Variants in TBC1D12 observed in about 807,000 individuals in gnomAD.
TBC1D12 encodes TBC1 domain family member 12, also known as TBC1 domain family, member 12.
A neutral mutation model predicts 86.7 loss-of-function variants in TBC1D12; 56 were observed. The observed-to-expected ratio is 0.65, with a 90% CI of 0.52 to 0.81. TBC1D12 has a LOEUF of 0.81. Ranked by LOEUF, TBC1D12 falls within the 30% of genes least tolerant of loss-of-function variation. The pLI, the probability that TBC1D12 is intolerant of heterozygous loss-of-function variation, is 0.00. For missense variants in TBC1D12, 1,023 were observed against 1,038.8 expected, an observed-to-expected ratio of 0.98 and a Z score of 0.21; for synonymous variants, 421 against 411.7, an observed-to-expected ratio of 1.02 and a Z score of -0.27.
intron 2 of TBC1D12, among the ~76,000 whole-genome samples, chr10:94,444,561 G>A (rs2055426202): frequency 6.6e-6 from 1 of 151,982 alleles, no homozygotes; most frequent in South Asian, 2.1e-4. Flanking sequence ...TTTTATGGTA[G>A]TTTAAATATG....
At position 94,471,790 on chromosome 10, in the gene TBC1D12, C is replaced by G. The variant is rs80256791; in HGVS notation, c.1096-2878C>G. 6.9e-3 allele frequency among the ~76,000 whole-genome samples: 1,057 copies of G among 152,340 alleles called. 4 individuals are homozygous for G. The highest frequency in any genetic ancestry group is 0.012 in the Non-Finnish European group (847 of 68,022). ...CAAAAGCCCTTCATTTCTAGTCTCA[C>G]TCTCCGGAGGAGAACCTCTTAATAC... On this transcript the variant is annotated intron_variant, in intron 2 of 12. Transcript: ENST00000225235.
intron 3 of TBC1D12, among the ~76,000 whole-genome samples, chr10:94,488,128 G>C (rs1372674767): frequency 6.6e-6 from 1 of 152,016 alleles, no homozygotes; most frequent in Non-Finnish European, 1.5e-5. Context: ...GCTTACGACT[G>C]TAATCCCAGC....
chr10:94,432,764 G>C (rs1367696532), intron 1 of TBC1D12, among the ~76,000 whole-genome samples: 7 of 145,852 alleles, frequency 4.8e-5, no homozygotes, highest in Admixed American at 1.4e-4. Flanking sequence ...TTAGAACCAG[G>C]CTTTTTTATT....
intron 2 of TBC1D12, among the ~76,000 whole-genome samples, chr10:94,457,151 G>T (rs563071984): frequency 6.6e-6 from 1 of 151,996 alleles, no homozygotes; most frequent in Non-Finnish European, 1.5e-5. Context: ...GGTTTGTTAC[G>T]TAGGTATGCA....
intron 12 of TBC1D12, among the ~76,000 whole-genome samples, chr10:94,531,679 T>G (rs57222327): frequency 0.26 from 33,944 of 132,372 alleles, 5,097 homozygotes; most frequent in African/African-American, 0.34. Context: ...TTTATTTTAT[T>G]TTATTTTATG....
intron 11 of TBC1D12, 28 bp downstream of exon 11, chr10:94,522,481 T>C (rs1842176883): frequency 1.1e-6 from 1 of 927,196 alleles, no homozygotes; most frequent in African/African-American, 1.7e-5. Context: ...TAATATATAA[T>C]AATGAAAAGG....
chr10:94,502,377 A>G (rs753372405), intron 6 of TBC1D12, among the ~76,000 whole-genome samples: 1 of 151,660 alleles, frequency 6.6e-6, no homozygotes, highest in Non-Finnish European at 1.5e-5. Flanking sequence ...TTAAAATTAG[A>G]TAAAATTAGA....
chr10:94,453,165 TG>T (rs2055577231), intron 2 of TBC1D12, among the ~76,000 whole-genome samples: 1 of 152,216 alleles, frequency 6.6e-6, no homozygotes, highest in South Asian at 2.1e-4. Context: ...TTGTATATTT[TG>T]GATAACAGTC....
At chr10:94,452,455 A>G (rs1055323097) in intron 2 of TBC1D12, among the ~76,000 whole-genome samples, 2 of 152,076 alleles carry the variant, frequency 1.3e-5, no homozygotes, top group African/African-American at 4.8e-5. Flanking sequence ...TCCCTCCTCC[A>G]ATCCCCTGGA....
At chr10:94,424,328 A>G (rs2055119651) in intron 1 of TBC1D12, among the ~76,000 whole-genome samples, 2 of 152,236 alleles carry the variant, frequency 1.3e-5, no homozygotes, top group Admixed American at 1.3e-4. Context: ...CATAAATAGT[A>G]GGGAGTTACT....
At chr10:94,480,545 T>C (rs1204880212) in intron 3 of TBC1D12, among the ~76,000 whole-genome samples, 1 of 152,148 alleles carries the variant, frequency 6.6e-6, no homozygotes, top group Non-Finnish European at 1.5e-5. Context: ...ATGGTAATTC[T>C]GCTCGCCTTG....
At position 94,403,065 on chromosome 10, in the gene TBC1D12, A is replaced by G. The variant is rs1156838524; in HGVS notation, c.452A>G (p.Glu151Gly). 6.6e-6 allele frequency: 10 copies of G among 1,505,922 alleles called. No homozygotes were observed. Among genetic ancestry groups the G allele is most frequent in the African/African-American group, 1.5e-5 (1 of 68,910 alleles). The allele number at this position is 1,505,922 out of a possible 1,614,324, so 93.3% of individuals were successfully genotyped here. The change falls in exon 1 of 13, where the codon GAG (glutamate) becomes GGG (glycine). Residue 151 changes from glutamate to glycine, a missense_variant. Coordinates refer to ENST00000225235, the MANE Select transcript of TBC1D12 (RefSeq NM_015188.2). Reference sequence around the variant, plus strand: ...GGCCGGGACTGTCGCGATCTGGAAGAGGCTCGCGGGCTGGCGCGCGCCGGC... The same window carrying G: ...GGCCGGGACTGTCGCGATCTGGAAGGGGCTCGCGGGCTGGCGCGCGCCGGC... ...LPGRDCRDLE[E>G]ARGLARAGGR...
At position 94,486,054 on chromosome 10, in the gene TBC1D12, C is replaced by A. The variant is rs188722341; in HGVS notation, c.1212-7311C>A. On this transcript the variant is annotated intron_variant, in intron 3 of 12. Transcript: ENST00000225235. ...AATTTTGTTTTTCTTTTCAAAAAAA[C>A]CAACTTTTTGTTTTGTTGATCTTTT... is the stretch of plus-strand genomic sequence containing the variant. Among the ~76,000 whole-genome samples, 9 of 151,306 alleles carry A rather than the reference C, an allele frequency of 5.9e-5. No individual in the cohort carries two copies. The South Asian group carries it at 8.4e-4, about 14-fold the overall frequency.
intron 2 of TBC1D12, among the ~76,000 whole-genome samples, chr10:94,460,349 T>G (rs1385120883): frequency 6.6e-6 from 1 of 152,216 alleles, no homozygotes; most frequent in African/African-American, 2.4e-5. Context: ...CCAGAAAGTT[T>G]TTTTCCTTCA....
intron 11 of TBC1D12, among the ~76,000 whole-genome samples, chr10:94,526,243 C>A (rs1842286363): frequency 1.3e-5 from 2 of 151,984 alleles, no homozygotes; most frequent in Admixed American, 1.3e-4. Context: ...CCAGCCTAGG[C>A]AAGATGGCGA....
At chr10:94,504,456 C>T (rs2056436775) in intron 6 of TBC1D12, among the ~76,000 whole-genome samples, 1 of 152,142 alleles carries the variant, frequency 6.6e-6, no homozygotes, top group Non-Finnish European at 1.5e-5. Flanking sequence ...TGTTTATTCT[C>T]TCCTTTTTTA....
chr10:94,441,320 C>A (rs928059580), intron 1 of TBC1D12, among the ~76,000 whole-genome samples: 1 of 151,794 alleles, frequency 6.6e-6, no homozygotes, highest in African/African-American at 2.4e-5. Flanking sequence ...TTATAAATAA[C>A]AAATTATTAC....
rs762145762 is a variant in TBC1D12, at chr10:94,402,613, G to A, written c.-1G>A. 1.9e-6 allele frequency: 3 copies of A among 1,611,486 alleles called. No individual in the cohort carries two copies. The highest frequency in any genetic ancestry group is 2.5e-6 in the Non-Finnish European group (3 of 1,179,398). ...CTGGGGCGGCCGCCACCCACCCCCAGATGGTGGGTCCGGAGGATGCCGGAG... is the reference window on the plus strand; with the variant it reads ...CTGGGGCGGCCGCCACCCACCCCCAAATGGTGGGTCCGGAGGATGCCGGAG... On this transcript the variant is annotated 5_prime_UTR_variant, in exon 1 of 13. Coordinates refer to ENST00000225235, the MANE Select transcript of TBC1D12 (RefSeq NM_015188.2).
chr10:94,413,804 T>G (rs2134052992), intron 1 of TBC1D12, among the ~76,000 whole-genome samples: 1 of 152,194 alleles, frequency 6.6e-6, no homozygotes, highest in Admixed American at 6.5e-5. Context: ...TCCATCTGCT[T>G]GTCTCTAACC....
Sources: gnomAD v4.1 joint callset for allele counts (sites outside exome capture counted in the v4.1 genomes callset) on GRCh38, gnomAD v4.1.1 for gene constraint, MANE v1.5 for transcripts, NCBI Gene and HGNC (gene_info 2026-07-23, HGNC 2026-07-21) for gene names.